The following CCS variants were observed in gnomAD, a reference collection of about 807,000 sequenced individuals.
CCS encodes superoxide dismutase copper chaperone.
A neutral mutation model predicts 35.5 loss-of-function variants in CCS; 32 were observed. The ratio of observed to expected loss-of-function variants is 0.90; its 90% CI spans 0.68 to 1.21. CCS has a LOEUF of 1.21. Ranked by LOEUF, CCS falls within the 50% of genes most tolerant of loss-of-function variation. CCS has a pLI of 0.00. For missense variants in CCS, 342 were observed against 375.4 expected, an observed-to-expected ratio of 0.91 and a Z score of 0.73; for synonymous variants, 130 against 147.2, an observed-to-expected ratio of 0.88 and a Z score of 0.84.
intron 2 of CCS, among the ~76,000 whole-genome samples, chr11:66,593,947 C>A (rs1858429148): frequency 6.6e-6 from 1 of 152,160 alleles, no homozygotes; most frequent in Non-Finnish European, 1.5e-5. Flanking sequence ...ACCTCAGGTG[C>A]CCCAGAGACT....
intron 1 of CCS, 40 bp downstream of exon 1, chr11:66,593,340 G>C: frequency 1.3e-6 from 2 of 1,488,270 alleles, no homozygotes; most frequent in Non-Finnish European, 1.8e-6. Context: ...GCCGGGCAGA[G>C]AGCCTCGGCC....
intron 2 of CCS, among the ~76,000 whole-genome samples, chr11:66,594,201 T>C (rs1222344205): frequency 2.6e-5 from 4 of 151,508 alleles, no homozygotes; most frequent in Non-Finnish European, 5.9e-5. Context: ...TACTAAAAAA[T>C]ACAAAAAATT....
In CCS at chr11:66,593,623, G is replaced by A; in HGVS notation, c.40-19G>A. The A allele has an allele frequency of 6.2e-7, 1 of 1,612,494 alleles. No homozygotes were observed. Among genetic ancestry groups the A allele is most frequent in the Non-Finnish European group, 8.5e-7 (1 of 1,179,600 alleles). ...GCACTTCCCCAGCGATCATCGGTTGGTCCCTGCCGCCCTTGCAGTTGGAGT... is the reference window on the plus strand; with the variant it reads ...GCACTTCCCCAGCGATCATCGGTTGATCCCTGCCGCCCTTGCAGTTGGAGT... On this transcript the variant is annotated intron_variant, in intron 1 of 7. Coordinates refer to ENST00000533244, the MANE Select transcript of CCS (RefSeq NM_005125.2).
At chr11:66,597,977 G>A (rs527657120) in intron 2 of CCS, among the ~76,000 whole-genome samples, 20 of 150,406 alleles carry the variant, frequency 1.3e-4, no homozygotes, top group African/African-American at 3.7e-4. Context: ...TAGGCCAGGC[G>A]CAGTGGCTCA....
intron 5 of CCS, among the ~76,000 whole-genome samples, chr11:66,604,305 G>C (rs1051002822): frequency 6.6e-6 from 1 of 152,060 alleles, no homozygotes; most frequent in African/African-American, 2.4e-5. Flanking sequence ...TCTTTCTACT[G>C]TTCAAATCTC....
Position 66,599,230 on chromosome 11 carries a change from AG to A in CCS, c.230del (p.Gly77AlafsTer32). The A allele has an allele frequency of 6.2e-7, 1 of 1,611,164 alleles. No homozygotes were observed. The highest frequency in any genetic ancestry group is 2.2e-5 in the East Asian group (1 of 44,754). Reference protein sequence around the residue: ...LEGTGRQAVLKGMGSGQLQNL... With the variant: ...LEGTGRQAVLXGMGSGQLQNL... The stretch of plus-strand genomic sequence containing the variant: ...GGCACGGGGCGGCAGGCGGTACTCA[AG>A]GGCATGGGCAGCGGCCAGTTGCGTG... On this transcript the variant is annotated frameshift_variant, in exon 3 of 8. Transcript: ENST00000533244. LOFTEE classifies it high-confidence loss of function.
intron 2 of CCS, 31 bp downstream of exon 2, chr11:66,593,745 G>C (rs908503027): frequency 1.2e-6 from 2 of 1,603,052 alleles, no homozygotes; most frequent in Non-Finnish European, 1.7e-6. Flanking sequence ...TCTGCAGACA[G>C]TCCAGAAGCC....
At chr11:66,593,862 A>C in intron 2 of CCS, 148 bp downstream of exon 2, 1 of 750,322 alleles carries the variant, frequency 1.3e-6, no homozygotes. Flanking sequence ...TTACACACAG[A>C]CCTGGAGGCA....
chr11:66,598,361 A>T (rs913137504), intron 2 of CCS, among the ~76,000 whole-genome samples: 1 of 148,046 alleles, frequency 6.8e-6, no homozygotes, highest in African/African-American at 2.5e-5. Flanking sequence ...ATACAAAAAA[A>T]TTAGCTGGGC....
intron 2 of CCS, among the ~76,000 whole-genome samples, chr11:66,597,611 G>A (rs1207044306): frequency 2.0e-5 from 3 of 150,856 alleles, no homozygotes; most frequent in African/African-American, 7.3e-5. Flanking sequence ...AATTAGCCGG[G>A]CTTGGTGGCG....
Position 66,605,515 on chromosome 11 carries a change from GATT to G in CCS, c.598_600del (p.Ile200del). The G allele has an allele frequency of 6.2e-7, 1 of 1,614,090 alleles. No homozygotes were observed. The highest frequency in any genetic ancestry group is 1.1e-5 in the South Asian group (1 of 91,064). ...TGTGGGATGTGATTGGCCGCAGCCT[GATT>G]ATTGATGAGGGAGAAGATGACCTGG... is the stretch of plus-strand genomic sequence containing the variant. On this transcript the variant is annotated inframe_deletion, in exon 7 of 8. Coordinates refer to ENST00000533244, the MANE Select transcript of CCS (RefSeq NM_005125.2).
intron 1 of CCS, 136 bp from the exon 2 acceptor site, chr11:66,593,506 T>C (rs1189886620): frequency 5.0e-6 from 5 of 1,004,322 alleles, no homozygotes; most frequent in Non-Finnish European, 7.5e-6. Context: ...TGAGAGATCA[T>C]GAAGAAGGTG....
chr11:66,602,469 A>G (rs1270533840), intron 5 of CCS, among the ~76,000 whole-genome samples: 1 of 152,226 alleles, frequency 6.6e-6, no homozygotes, highest in African/African-American at 2.4e-5. Context: ...AGAGATTGAG[A>G]TTGAGAGAGG....
intron 5 of CCS, among the ~76,000 whole-genome samples, chr11:66,604,997 C>G (rs751203888): frequency 6.6e-6 from 1 of 152,176 alleles, no homozygotes; most frequent in Non-Finnish European, 1.5e-5. Context: ...GCAATTGCCT[C>G]GCCGGAAAAA....
intron 7 of CCS, 33 bp from the exon 8 acceptor site, chr11:66,605,669 G>A (rs561632119): frequency 1.1e-5 from 18 of 1,576,950 alleles, no homozygotes; most frequent in Non-Finnish European, 1.6e-5. Context: ...GGGCCAAACA[G>A]GTACCCACCC....
chr11:66,605,758 T>C lies in CCS; in HGVS notation c.728T>C (p.Ile243Thr). ...GGCCTTTTCCAGAACCCCAAGCAGATCTGCTCTTGCGATGGCCTCACCATC... is the reference window on the plus strand; with the variant it reads ...GGCCTTTTCCAGAACCCCAAGCAGACCTGCTCTTGCGATGGCCTCACCATC... The part of the protein sequence containing the change: ...SAGLFQNPKQ[I>T]CSCDGLTIWE... The change falls in exon 8 of 8, where the codon ATC becomes ACC. Residue 243 changes from isoleucine to threonine, a missense_variant. Physicochemically the swap from Ile to Thr is moderately conservative, Grantham distance 89. Coordinates refer to ENST00000533244, the MANE Select transcript of CCS (RefSeq NM_005125.2). 1 of 1,606,992 alleles carries C rather than the reference T, an allele frequency of 6.2e-7. No individual in the cohort carries two copies. Among genetic ancestry groups the C allele is most frequent in the Non-Finnish European group, 8.5e-7 (1 of 1,176,538 alleles).
chr11:66,602,400 C>A (rs1414472941), intron 5 of CCS, among the ~76,000 whole-genome samples: 1 of 152,158 alleles, frequency 6.6e-6, no homozygotes, highest in Non-Finnish European at 1.5e-5. Flanking sequence ...TGGGTCTCTC[C>A]CTAGGGCAGC....
In CCS at chr11:66,600,338, C is replaced by T. The variant is rs537147957; in HGVS notation, c.429-151C>T. 1.1e-4 allele frequency: 48 copies of T among 448,548 alleles called. 1 individual carries two copies. The Middle Eastern group carries it at 9.0e-3, about 84-fold the overall frequency. The allele number at this position is 448,548 out of a possible 1,614,324, so 27.8% of individuals were successfully genotyped here. Reference sequence around the variant, plus strand: ...GACAGGACCCATGTCTGATTCTTCTCGGTGCCCTCTACCCAAAGCCCAGCA... The same window carrying T: ...GACAGGACCCATGTCTGATTCTTCTTGGTGCCCTCTACCCAAAGCCCAGCA... On this transcript the variant is annotated intron_variant, in intron 4 of 7. Coordinates refer to ENST00000533244, the MANE Select transcript of CCS (RefSeq NM_005125.2).
intron 2 of CCS, among the ~76,000 whole-genome samples, chr11:66,596,954 C>T (rs61890401): frequency 6.6e-6 from 1 of 152,142 alleles, no homozygotes; most frequent in African/African-American, 2.4e-5. Context: ...TACTACAGTG[C>T]GACTTTGAGC....
Sources: gnomAD v4.1 joint callset for allele counts (sites outside exome capture counted in the v4.1 genomes callset) on GRCh38, gnomAD v4.1.1 for gene constraint, MANE v1.5 for transcripts, NCBI Gene and HGNC (gene_info 2026-07-23, HGNC 2026-07-21) for gene names.